Variants in INSL6 observed in about 807,000 individuals in gnomAD.
INSL6 encodes insulin-like peptide INSL6.
A neutral mutation model predicts 9.4 loss-of-function variants in INSL6; 16 were observed. That is an observed-to-expected ratio of 1.70 (90% CI 1.15 to 2.59). The LOEUF (loss-of-function observed/expected upper bound fraction) is 2.59. INSL6 is among the 30% of genes most tolerant of loss of function. The pLI is 0.00. For synonymous variants in INSL6, 154 were observed against 96.9 expected (o/e 1.59, Z -3.46); for missense variants, 391 against 257.3 (o/e 1.52, Z -3.56).
chr9:5,002,863 A>G, the INSL6 span, among the ~76,000 whole-genome samples: 1 of 152,014 alleles, frequency 6.6e-6, no homozygotes, highest in South Asian at 2.1e-4. Flanking sequence ...TTCTGCTTAC[A>G]AGAGGTCACA....
intron 3 of INSL6, among the ~76,000 whole-genome samples, chr9:5,132,574 A>G (rs1824311819): frequency 2.0e-5 from 3 of 152,020 alleles, no homozygotes; most frequent in Admixed American, 2.0e-4. Context: ...AAGACTATCC[A>G]TATTGCATAC....
chr9:5,055,607 C>A, the INSL6 span: 1 of 1,298,704 alleles, frequency 7.7e-7, no homozygotes. Flanking sequence ...CTTCTTAAGT[C>A]TTGTTTTAAA....
At chr9:5,079,530 A>G in the INSL6 span, among the ~76,000 whole-genome samples, 1 of 151,694 alleles carries the variant, frequency 6.6e-6, no homozygotes, top group African/African-American at 2.4e-5. Flanking sequence ...GGGAATTGCC[A>G]TGGCTATTAA....
chr9:5,041,716 A>G, the INSL6 span: 1 of 501,688 alleles, frequency 2.0e-6, no homozygotes, highest in South Asian at 1.5e-5. Context: ...TCTGAGTACG[A>G]GGGGCTCGGG....
intron 2 of INSL6, among the ~76,000 whole-genome samples, chr9:5,155,415 T>G (rs1027020622): frequency 1.3e-5 from 2 of 150,750 alleles, no homozygotes; most frequent in African/African-American, 4.9e-5. Context: ...ACATGGCACA[T>G]GTATACATAT....
chr9:5,069,247 T>G, the INSL6 span: 2 of 1,416,866 alleles, frequency 1.4e-6, no homozygotes, highest in Non-Finnish European at 9.8e-7. Flanking sequence ...TTACTGGTCA[T>G]GGATTGTTTA....
rs115958639 is a variant in INSL6, at chr9:5,129,236, A to C, written c.*10+4189T>G. On this transcript the variant is annotated intron_variant, in intron 3 of 3. Coordinates refer to the INSL6 transcript ENST00000649639. ...GTGCTCACTTTATTGAGCCTATGTT[A>C]ATTTCTTTAGCATGCTCCCCCTAAA... 6.1e-3 allele frequency among the ~76,000 whole-genome samples: 929 copies of C among 152,084 alleles called. 8 individuals are homozygous for C. The highest frequency in any genetic ancestry group is 0.02 in the African/African-American group (839 of 41,522).
chr9:5,058,176 TCTG>T, the INSL6 span, among the ~76,000 whole-genome samples: 8 of 152,326 alleles, frequency 5.3e-5, no homozygotes, highest in East Asian at 1.4e-3. Context: ...TCTTGAAAAC[TCTG>T]CTTTCAATTC....
the INSL6 span, chr9:5,021,960 C>G: frequency 1.3e-6 from 2 of 1,534,906 alleles, no homozygotes; most frequent in Non-Finnish European, 9.0e-7. Context: ...TTTTCTCTTA[C>G]AGGCAAATGT....
chr9:5,083,365 T>C, the INSL6 span, among the ~76,000 whole-genome samples: 6 of 152,196 alleles, frequency 3.9e-5, no homozygotes, highest in Non-Finnish European at 7.4e-5. Flanking sequence ...TGGTAAGCTC[T>C]TTCTCGCATA....
chr9:5,024,310 C>T, the INSL6 span, among the ~76,000 whole-genome samples: 2 of 151,924 alleles, frequency 1.3e-5, no homozygotes, highest in Non-Finnish European at 2.9e-5. Context: ...TAAGATTTTG[C>T]TTTAGCTTGT....
chr9:5,101,518 G>C, the INSL6 span, among the ~76,000 whole-genome samples: 6 of 152,274 alleles, frequency 3.9e-5, no homozygotes, highest in Non-Finnish European at 7.3e-5. Context: ...CAGCTCTGAA[G>C]AGAGCAGTGT....
the INSL6 span, among the ~76,000 whole-genome samples, chr9:5,045,938 A>G: frequency 2.6e-5 from 4 of 152,104 alleles, no homozygotes; most frequent in African/African-American, 9.7e-5. Flanking sequence ...TGGTAAATTT[A>G]TAATTTTTTT....
At chr9:5,066,809 T>C in the INSL6 span, 1 of 1,101,570 alleles carries the variant, frequency 9.1e-7, no homozygotes, top group Non-Finnish European at 1.3e-6. Context: ...TCACACTTAT[T>C]AGTGGTAACA....
intron 1 of INSL6, among the ~76,000 whole-genome samples, chr9:5,180,340 G>A (rs1253665009): frequency 6.6e-6 from 1 of 152,104 alleles, no homozygotes; most frequent in Non-Finnish European, 1.5e-5. Flanking sequence ...CAGAATAACA[G>A]CAATTTTTAG....
chr9:5,060,184 A>G, the INSL6 span, among the ~76,000 whole-genome samples: 1 of 152,218 alleles, frequency 6.6e-6, no homozygotes, highest in Non-Finnish European at 1.5e-5. Context: ...CTGAGCCTCC[A>G]GAGAGTTATA....
the INSL6 span, chr9:5,086,125 C>CGCGGCCCCG: frequency 4.1e-5 from 17 of 417,336 alleles, no homozygotes; most frequent in Admixed American, 1.8e-4. Context: ...GGCAGCGGCG[C>CGCGGCCCCG]GCGGCCCCGG....
chr9:5,033,536 G>T, the INSL6 span, among the ~76,000 whole-genome samples: 1 of 152,174 alleles, frequency 6.6e-6, no homozygotes, highest in South Asian at 2.1e-4. Context: ...ACTAACAGCA[G>T]ATCTCTTGGC....
At chr9:5,025,892 A>C in the INSL6 span, among the ~76,000 whole-genome samples, 2 of 152,182 alleles carry the variant, frequency 1.3e-5, no homozygotes, top group African/African-American at 4.8e-5. Flanking sequence ...TTACATTTTC[A>C]CAAAAATTGT....
Sources: gnomAD v4.1 joint callset for allele counts (sites outside exome capture counted in the v4.1 genomes callset) on GRCh38, gnomAD v4.1.1 for gene constraint, MANE v1.5 for transcripts, NCBI Gene and HGNC (gene_info 2026-07-23, HGNC 2026-07-21) for gene names.